TM7SF3: variants seen among roughly 807,000 people sequenced by gnomAD.
TM7SF3 encodes the protein transmembrane 7 superfamily member 3, also known as seven span transmembrane protein.
Under a neutral mutation model 65.5 loss-of-function variants are expected in TM7SF3, and 60 were observed. That is an observed-to-expected ratio of 0.92 (90% CI 0.74 to 1.14). TM7SF3 has a LOEUF of 1.14. Ranked by LOEUF, TM7SF3 falls within the 50% of genes most tolerant of loss-of-function variation. TM7SF3 has a pLI of 0.00. For missense variants in TM7SF3, 623 were observed against 684.8 expected, an observed-to-expected ratio of 0.91 and a Z score of 1.01; for synonymous variants, 264 against 259.6, an observed-to-expected ratio of 1.02 and a Z score of -0.16.
At chr12:26,981,217 C>T (rs1271048524) in intron 7 of TM7SF3, among the ~76,000 whole-genome samples, 2 of 152,198 alleles carry the variant, frequency 1.3e-5, no homozygotes, top group Admixed American at 6.5e-5. Context: ...TAAGCCTAAT[C>T]CTGATCATGG....
intron 10 of TM7SF3, 52 bp from the exon 11 acceptor site, chr12:26,975,710 T>C: frequency 6.3e-7 from 1 of 1,576,342 alleles, no homozygotes; most frequent in Non-Finnish European, 8.6e-7. Flanking sequence ...ACAAAAATAG[T>C]TTATAACTCT....
chr12:26,973,997 G>C lies in TM7SF3; in HGVS notation c.1681C>G (p.Pro561Ala). ...QIKGLFQKEQ[P>A]AGERTPLLL is the part of the protein sequence containing the mutation. The stretch of plus-strand genomic sequence containing the variant: ...AGCAAAGGCGTTCTCTCTCCAGCTG[G>C]CTGCTCCTTCTGGAAGAGCCCTTTA... The change falls in exon 12 of 12, where the codon CCA becomes GCA. Residue 561 changes from proline (P) to alanine (A), a missense_variant. Physicochemically the swap from Pro to Ala is conservative, Grantham distance 27. Coordinates refer to ENST00000343028, the MANE Select transcript of TM7SF3 (RefSeq NM_016551.3). 6.2e-7 allele frequency: 1 copy of C among 1,614,192 alleles called. No individual in the cohort carries two copies. Among genetic ancestry groups the C allele is most frequent in the Non-Finnish European group, 8.5e-7 (1 of 1,180,042 alleles).
chr12:27,013,341 A>C (rs987491331), intron 1 of TM7SF3, among the ~76,000 whole-genome samples: 5 of 152,206 alleles, frequency 3.3e-5, no homozygotes, highest in African/African-American at 4.8e-5. Context: ...CAAATCGATT[A>C]GAAATTTCTT....
chr12:26,996,905 A>G (rs1019336894), intron 3 of TM7SF3, 43 bp from the exon 4 acceptor site: 3 of 1,569,984 alleles, frequency 1.9e-6, no homozygotes, highest in Admixed American at 4.0e-5. Context: ...CAATTCCTAC[A>G]TATCCAAATC....
chr12:26,978,095 C>T, intron 9 of TM7SF3: 1 of 452,260 alleles, frequency 2.2e-6, no homozygotes, highest in Non-Finnish European at 4.4e-6. Flanking sequence ...GATCCTGTCT[C>T]TAAAAAATAA....
At chr12:27,008,072 C>G (rs1027895997) in intron 1 of TM7SF3, among the ~76,000 whole-genome samples, 1 of 152,040 alleles carries the variant, frequency 6.6e-6, no homozygotes, top group Non-Finnish European at 1.5e-5. Flanking sequence ...TTGGGTGGAA[C>G]CTGTGAGTAG....
intron 11 of TM7SF3, 141 bp from the exon 12 acceptor site, chr12:26,974,368 C>T (rs1683591386): frequency 2.3e-6 from 2 of 884,834 alleles, no homozygotes; most frequent in African/African-American, 3.4e-5. Flanking sequence ...TATGTAGTTC[C>T]TCAGTTACAA....
At position 27,002,433 on chromosome 12, in the gene TM7SF3, TA is replaced by T. The variant is rs893367078; in HGVS notation, c.246+802del. The stretch of plus-strand genomic sequence containing the variant: ...GGGTGATGGAGTGAGATCTTATCTC[TA>T]AAAAAAAAAATAAAAATTTTAAAAA... On this transcript the variant is annotated intron_variant, in intron 2 of 11. Coordinates refer to ENST00000343028, the MANE Select transcript of TM7SF3 (RefSeq NM_016551.3). Among the ~76,000 whole-genome samples, 52 of 146,182 alleles carry T rather than the reference TA, an allele frequency of 3.6e-4. 1 individual carries two copies. The highest frequency in any genetic ancestry group is 5.8e-4 in the African/African-American group (23 of 39,934).
At chr12:26,997,563 T>TATCTAGGAAG (rs1177218367) in intron 3 of TM7SF3, among the ~76,000 whole-genome samples, 18 of 152,282 alleles carry the variant, frequency 1.2e-4, no homozygotes, top group Admixed American at 1.2e-3. Flanking sequence ...AGCCTTTTGT[T>TATCTAGGAAG]ATAGCTAACA....
chr12:26,985,820 T>TG (rs1940059839), intron 6 of TM7SF3, among the ~76,000 whole-genome samples: 1 of 109,878 alleles, frequency 9.1e-6, no homozygotes, highest in Non-Finnish European at 1.9e-5. Context: ...TTTTTTTTTT[T>TG]TTTTTTTTTT....
At chr12:26,995,687 A>G (rs1940561665) in intron 4 of TM7SF3, among the ~76,000 whole-genome samples, 1 of 152,218 alleles carries the variant, frequency 6.6e-6, no homozygotes, top group Admixed American at 6.5e-5. Context: ...ATGAAGGTGA[A>G]GCCCTAATGA....
Position 26,995,244 on chromosome 12 carries a change from G to C in TM7SF3, c.683C>G (p.Ala228Gly). The C allele has an allele frequency of 1.9e-6, 3 of 1,613,662 alleles. No homozygotes were observed. Among genetic ancestry groups the C allele is most frequent in the Non-Finnish European group, 2.5e-6 (3 of 1,179,788 alleles). ...MVSVPQVKASALKVVTLTAND... is the reference protein window; with the variant it reads ...MVSVPQVKASGLKVVTLTAND... ...CATGGGACTCAGATTTACCTTGAGAGCACTGGCCTTCACCTGGGGCACACT... is the reference window on the plus strand; with the variant it reads ...CATGGGACTCAGATTTACCTTGAGACCACTGGCCTTCACCTGGGGCACACT... The change falls in exon 5 of 12, where the codon GCT becomes GGT. Residue 228 changes from alanine (A) to glycine (G), a missense_variant. Ala to Gly is a moderately conservative substitution (Grantham distance 60). Coordinates refer to ENST00000343028, the MANE Select transcript of TM7SF3 (RefSeq NM_016551.3).
chr12:26,983,417 A>G (rs759988004), intron 6 of TM7SF3: 4 of 359,230 alleles, frequency 1.1e-5, no homozygotes, highest in Non-Finnish European at 2.3e-5. Context: ...AAATATTTTC[A>G]ATATTTTAAA....
chr12:26,980,747 A>G (rs962926449), intron 7 of TM7SF3, 101 bp from the exon 8 acceptor site: 5 of 599,982 alleles, frequency 8.3e-6, no homozygotes, highest in Non-Finnish European at 1.4e-5. Flanking sequence ...CTACAAATAC[A>G]TGCTTAAGCT....
chr12:26,986,130 C>G (rs1319785856), intron 6 of TM7SF3, among the ~76,000 whole-genome samples: 9 of 152,056 alleles, frequency 5.9e-5, no homozygotes, highest in Admixed American at 1.3e-4. Context: ...ACCCGGCCTG[C>G]TTGGCCAAAT....
rs139964818 is a variant in TM7SF3 at position 26,979,809 on chromosome 12, C to T, written c.1164G>A (p.Ser388=). ...CVGLVLGFLI[S]SVTFFTPLGN... Reference sequence around the variant, plus strand: ...CCAGTGGAGTAAAGAAAGTCACTGACGAGATGAGGAACCCCAGCACTAGTC... The same window carrying T: ...CCAGTGGAGTAAAGAAAGTCACTGATGAGATGAGGAACCCCAGCACTAGTC... The change falls in exon 9 of 12, where the codon TCG becomes TCA. Residue 388 remains serine (S), a synonymous_variant. Transcript: ENST00000343028. The T allele has an allele frequency of 7.1e-5, 115 of 1,613,994 alleles. No homozygotes were observed. Among genetic ancestry groups the T allele is most frequent in the African/African-American group, 9.3e-5 (7 of 75,018 alleles).
chr12:26,993,086 A>C (rs1014509068), intron 5 of TM7SF3, among the ~76,000 whole-genome samples: 18 of 151,668 alleles, frequency 1.2e-4, no homozygotes, highest in Non-Finnish European at 2.2e-4. Context: ...TGGTTTTTTT[A>C]GTGGCTGTGA....
At position 26,974,207 on chromosome 12, in the gene TM7SF3, A is replaced by G. The variant is rs1939475184; in HGVS notation, c.1471T>C (p.Trp491Arg). ...QTNDFIILAV[W>R]GMLAVSGITL... ...ATTCCACTTACAGCCAGCATGCCCC[A>G]TACTGCCAGGATAATGAAGTCTAAA... The change falls in exon 12 of 12, where the codon TGG becomes CGG. Residue 491 changes from tryptophan to arginine, a missense_variant. Trp to Arg is a moderately radical substitution (Grantham distance 101). Coordinates refer to ENST00000343028, the MANE Select transcript of TM7SF3 (RefSeq NM_016551.3). 1 of 1,614,130 alleles carries G rather than the reference A, an allele frequency of 6.2e-7. No homozygotes were observed. Among genetic ancestry groups the G allele is most frequent in the Non-Finnish European group, 8.5e-7 (1 of 1,179,992 alleles).
chr12:26,973,840 A>T lies in TM7SF3; in HGVS notation c.*125T>A. ...ACCCTTACCATATATCAATAAGGGC[A>T]CCATAATATTATGCAAAGAACAGAT... On this transcript the variant is annotated 3_prime_UTR_variant, in exon 12 of 12. Coordinates refer to ENST00000343028, the MANE Select transcript of TM7SF3 (RefSeq NM_016551.3). 8.3e-7 allele frequency: 1 copy of T among 1,199,470 alleles called. No homozygotes were observed. The highest frequency in any genetic ancestry group is 1.2e-6 in the Non-Finnish European group (1 of 860,638). The allele number at this position is 1,199,470 out of a possible 1,614,324, so 74.3% of individuals were successfully genotyped here.
Sources: allele counts gnomAD v4.1 joint callset (sites outside exome capture counted in the v4.1 genomes callset), GRCh38; gene constraint gnomAD v4.1.1; transcripts MANE v1.5; gene names NCBI Gene and HGNC (gene_info 2026-07-23, HGNC 2026-07-21).